Variants in HCN1 observed in about 807,000 individuals in gnomAD.
HCN1 encodes the protein potassium/sodium hyperpolarization-activated cyclic nucleotide-gated channel 1.
A neutral mutation model predicts 78.9 loss-of-function variants in HCN1; 13 were observed. The ratio of observed to expected loss-of-function variants is 0.16; its 90% CI spans 0.11 to 0.26. The LOEUF (loss-of-function observed/expected upper bound fraction) is 0.26. HCN1 is among the 10% of genes least tolerant of loss of function. The pLI, the probability that HCN1 is intolerant of heterozygous loss-of-function variation, is 1.00. For missense variants in HCN1, 810 were observed against 1,154.3 expected, an observed-to-expected ratio of 0.70 and a Z score of 4.32; for synonymous variants, 552 against 455.5, an observed-to-expected ratio of 1.21 and a Z score of -2.70.
chr5:45,513,380 T>TA (rs558869679), intron 2 of HCN1, among the ~76,000 whole-genome samples: 26 of 152,204 alleles, frequency 1.7e-4, no homozygotes, highest in African/African-American at 6.0e-4. Flanking sequence ...AAGAAATATG[T>TA]AAAAAACACA....
chr5:45,431,765 G>A (rs916946254), intron 3 of HCN1, among the ~76,000 whole-genome samples: 2 of 151,904 alleles, frequency 1.3e-5, no homozygotes, highest in African/African-American at 4.8e-5. Context: ...ATTATTTCTG[G>A]GCTCTCTATT....
chr5:45,311,545 T>C (rs80222056), intron 5 of HCN1, among the ~76,000 whole-genome samples: 2 of 152,206 alleles, frequency 1.3e-5, no homozygotes, highest in Non-Finnish European at 2.9e-5. Context: ...AGAAATGACA[T>C]AATTTTTAAG....
At chr5:45,689,303 G>GA (rs914719052) in intron 1 of HCN1, among the ~76,000 whole-genome samples, 8 of 149,746 alleles carry the variant, frequency 5.3e-5, no homozygotes, top group South Asian at 2.1e-4. Context: ...AAAAGTTGAA[G>GA]AAAAAAAAAT....
chr5:45,332,300 T>A (rs1746360798), intron 5 of HCN1, among the ~76,000 whole-genome samples: 1 of 151,562 alleles, frequency 6.6e-6, no homozygotes, highest in Non-Finnish European at 1.5e-5. Flanking sequence ...AAGTTGGGTA[T>A]CCATCCTCAA....
chr5:45,427,815 T>C (rs1292172852), intron 3 of HCN1, among the ~76,000 whole-genome samples: 2 of 152,216 alleles, frequency 1.3e-5, no homozygotes, highest in Admixed American at 1.3e-4. Context: ...ATAAGAGTAT[T>C]ACAAGAGAGT....
At chr5:45,372,263 A>G (rs1389049497) in intron 4 of HCN1, among the ~76,000 whole-genome samples, 1 of 82,564 alleles carries the variant, frequency 1.2e-5, no homozygotes, top group Non-Finnish European at 2.1e-5. Flanking sequence ...ATATATTTAT[A>G]TATATATTTA....
intron 3 of HCN1, among the ~76,000 whole-genome samples, chr5:45,410,197 C>T (rs560111737): frequency 3.6e-4 from 54 of 151,938 alleles, no homozygotes; most frequent in Non-Finnish European, 7.4e-4. Flanking sequence ...TCTTTATTAT[C>T]TTCATTTACT....
At chr5:45,569,972 T>A (rs549051971) in intron 2 of HCN1, among the ~76,000 whole-genome samples, 1 of 152,030 alleles carries the variant, frequency 6.6e-6, no homozygotes, top group South Asian at 2.1e-4. Flanking sequence ...TAAGCACAAA[T>A]CTTCCAGACA....
chr5:45,624,200 C>T (rs1423423122), intron 2 of HCN1, among the ~76,000 whole-genome samples: 1 of 152,148 alleles, frequency 6.6e-6, no homozygotes, highest in Non-Finnish European at 1.5e-5. Flanking sequence ...GGCTTAGGCT[C>T]TCAAAGAAAT....
At chr5:45,628,414 TTAAAA>T (rs1745208779) in intron 2 of HCN1, among the ~76,000 whole-genome samples, 1 of 151,964 alleles carries the variant, frequency 6.6e-6, no homozygotes, top group Non-Finnish European at 1.5e-5. Flanking sequence ...AATCACCTAC[TTAAAA>T]AAATCACAAA....
intron 3 of HCN1, among the ~76,000 whole-genome samples, chr5:45,456,975 T>C (rs13354798): frequency 0.51 from 78,141 of 151,838 alleles, 21,751 homozygotes; most frequent in African/African-American, 0.73. Flanking sequence ...AAAAGCATAT[T>C]CAGATTCCAT....
chr5:45,320,127 T>C (rs1746093618), intron 5 of HCN1, among the ~76,000 whole-genome samples: 1 of 151,856 alleles, frequency 6.6e-6, no homozygotes, highest in Non-Finnish European at 1.5e-5. Context: ...CCTATATTTT[T>C]AGACTATACA....
chr5:45,282,736 A>G (rs538753403), intron 6 of HCN1, among the ~76,000 whole-genome samples: 1 of 152,282 alleles, frequency 6.6e-6, no homozygotes, highest in Admixed American at 6.5e-5. Context: ...TGGGAAATAT[A>G]CCCCGTAGGA....
At chr5:45,531,465 G>T (rs1399710252) in intron 2 of HCN1, among the ~76,000 whole-genome samples, 1 of 152,090 alleles carries the variant, frequency 6.6e-6, no homozygotes, top group African/African-American at 2.4e-5. Context: ...CCATAAATCT[G>T]ATCCTGGTAC....
At chr5:45,383,015 G>A (rs965783884) in intron 4 of HCN1, among the ~76,000 whole-genome samples, 1 of 152,020 alleles carries the variant, frequency 6.6e-6, no homozygotes, top group Non-Finnish European at 1.5e-5. Flanking sequence ...TATATAGGAG[G>A]TTTGTCATAA....
intron 2 of HCN1, among the ~76,000 whole-genome samples, chr5:45,463,649 G>T (rs1741209873): frequency 1.3e-5 from 2 of 151,878 alleles, no homozygotes; most frequent in South Asian, 4.2e-4. Flanking sequence ...TACATAAATA[G>T]AAACTCTACT....
chr5:45,641,928 G>T (rs557999527), intron 2 of HCN1: 1 of 152,144 alleles, frequency 6.6e-6, no homozygotes, highest in South Asian at 2.1e-4. Context: ...TCTCTTTTAG[G>T]AAGATCACAA....
At chr5:45,663,131 A>G (rs1317149242) in intron 1 of HCN1, among the ~76,000 whole-genome samples, 1 of 147,446 alleles carries the variant, frequency 6.8e-6, no homozygotes, top group Non-Finnish European at 1.5e-5. Flanking sequence ...GGAACAGAAC[A>G]GAGCCCTCAG....
chr5:45,321,402 G>A (rs777150927), intron 5 of HCN1, among the ~76,000 whole-genome samples: 4 of 151,460 alleles, frequency 2.6e-5, no homozygotes, highest in Non-Finnish European at 4.4e-5. Context: ...GTATTGCCAA[G>A]GCTACAGAGC....
Sources: gnomAD v4.1 joint callset for allele counts (sites outside exome capture counted in the v4.1 genomes callset) on GRCh38, gnomAD v4.1.1 for gene constraint, MANE v1.5 for transcripts, NCBI Gene and HGNC (gene_info 2026-07-23, HGNC 2026-07-21) for gene names.